The following PHF21B variants were observed in gnomAD, a reference collection of about 807,000 sequenced individuals.
The protein encoded by PHF21B is PHD finger protein 4.
PHF21B carries 22 observed loss-of-function variants against 62.2 expected under a neutral mutation model. The observed-to-expected ratio is 0.35, with a 90% CI of 0.25 to 0.51. PHF21B has a LOEUF of 0.51. Ranked by LOEUF, PHF21B falls within the 20% of genes least tolerant of loss-of-function variation. PHF21B has a pLI of 0.97. For synonymous variants in PHF21B, 341 were observed against 314.7 expected (o/e 1.08, Z -0.88); for missense variants, 701 against 707.9 (o/e 0.99, Z 0.11).
chr22:44,928,025 G>A (rs909258892), intron 2 of PHF21B, among the ~76,000 whole-genome samples: 2 of 152,214 alleles, frequency 1.3e-5, no homozygotes, highest in Non-Finnish European at 2.9e-5. Flanking sequence ...GAAGGAGACA[G>A]GTGTTGGTGC....
chr22:44,941,890 A>C (rs1046284969), intron 2 of PHF21B, among the ~76,000 whole-genome samples: 3 of 152,198 alleles, frequency 2.0e-5, no homozygotes, highest in African/African-American at 7.2e-5. Flanking sequence ...AGTCAGAAGC[A>C]GCCCCGTCTC....
chr22:45,002,243 T>C (rs578044258), intron 2 of PHF21B, among the ~76,000 whole-genome samples: 12 of 152,342 alleles, frequency 7.9e-5, no homozygotes, highest in African/African-American at 2.2e-4. Context: ...ATACGTTACA[T>C]GTGGCCAAGA....
chr22:44,950,572 C>T (rs1421279399), intron 2 of PHF21B, among the ~76,000 whole-genome samples: 1 of 151,568 alleles, frequency 6.6e-6, no homozygotes, highest in Non-Finnish European at 1.5e-5. Flanking sequence ...TCTTCGTGTT[C>T]GTGTTTTTTT....
chr22:44,965,965 A>T (rs2072517368), intron 2 of PHF21B, among the ~76,000 whole-genome samples: 1 of 152,204 alleles, frequency 6.6e-6, no homozygotes, highest in African/African-American at 2.4e-5. Context: ...TCCCACTTCC[A>T]AAGGCCCGGC....
intron 3 of PHF21B, among the ~76,000 whole-genome samples, chr22:44,918,471 A>T (rs1735843603): frequency 6.6e-6 from 1 of 152,094 alleles, no homozygotes; most frequent in Admixed American, 6.5e-5. Context: ...GGAGCTTATC[A>T]TCTTTCTGCC....
rs768424524 is a variant in PHF21B, at chr22:44,885,856, G to T, written c.1273+7C>A. The T allele has an allele frequency of 6.2e-7, 1 of 1,613,924 alleles. No individual in the cohort carries two copies. ...GTACCCTTTTCCACTCCCCAGGGATGCCTCACCTGTCTTGTGGGTGACATA... is the reference window on the plus strand; with the variant it reads ...GTACCCTTTTCCACTCCCCAGGGATTCCTCACCTGTCTTGTGGGTGACATA... On this transcript the variant is annotated splice_region_variant and intron_variant, in intron 11 of 12. Transcript: ENST00000313237.
At position 44,984,600 on chromosome 22, in the gene PHF21B, T is replaced by A. The variant is rs557650500; in HGVS notation, c.120+23945A>T. Among the ~76,000 whole-genome samples, 15 of 152,298 alleles carry A rather than the reference T, an allele frequency of 9.8e-5. 1 individual carries two copies. Among genetic ancestry groups the A allele is most frequent in the Middle Eastern group, 3.4e-3 (1 of 294 alleles). ...TGGCAATGCCGTAGCTGGAGGCACA[T>A]CTGAGAGTTAAACACCTGCTCAGCA... On this transcript the variant is annotated intron_variant, in intron 2 of 12. Coordinates refer to ENST00000313237, the MANE Select transcript of PHF21B (RefSeq NM_138415.5).
intron 2 of PHF21B, among the ~76,000 whole-genome samples, chr22:44,983,172 T>C (rs2072873796): frequency 6.6e-6 from 1 of 150,494 alleles, no homozygotes; most frequent in African/African-American, 2.5e-5. Context: ...AGGCGGAGGT[T>C]ACAGTGAGCC....
intron 2 of PHF21B, among the ~76,000 whole-genome samples, chr22:44,929,718 A>G (rs2071702986): frequency 6.6e-6 from 1 of 152,252 alleles, no homozygotes; most frequent in Non-Finnish European, 1.5e-5. Flanking sequence ...GTGCTCTAAC[A>G]GCAGCCGGTG....
intron 2 of PHF21B, among the ~76,000 whole-genome samples, chr22:44,949,211 G>A (rs136705): frequency 0.059 from 8,813 of 148,462 alleles, 663 homozygotes; most frequent in African/African-American, 0.18. Flanking sequence ...TGAGGCAGGA[G>A]AACTGCTTGA....
chr22:44,946,283 C>T (rs1453223947), intron 2 of PHF21B, among the ~76,000 whole-genome samples: 1 of 147,642 alleles, frequency 6.8e-6, no homozygotes, highest in African/African-American at 2.7e-5. Flanking sequence ...AGAAGCTTCC[C>T]CTGACACCCC....
intron 2 of PHF21B, among the ~76,000 whole-genome samples, chr22:44,967,412 G>A (rs535159965): frequency 3.3e-5 from 5 of 152,022 alleles, no homozygotes; most frequent in African/African-American, 7.2e-5. Flanking sequence ...TAGTAGAGAC[G>A]GGGTTTCACC....
At chr22:44,942,063 G>A (rs1894521) in intron 2 of PHF21B, among the ~76,000 whole-genome samples, 84,319 of 152,120 alleles carry the variant, frequency 0.55, 24,843 homozygotes, top group Non-Finnish European at 0.66. Flanking sequence ...TGGGGACTCA[G>A]AACAGCCTGA....
At chr22:45,003,051 A>C (rs1355710445) in intron 2 of PHF21B, 1 of 152,224 alleles carries the variant, frequency 6.6e-6, no homozygotes, top group African/African-American at 2.4e-5. Context: ...GCCCTTTTCC[A>C]GAAGTTCCTT....
Position 44,893,369 on chromosome 22 carries a change from G to T in PHF21B, c.960+88C>A, listed in dbSNP as rs971328395. 6.1e-6 allele frequency: 8 copies of T among 1,312,894 alleles called. No homozygotes were observed. In the East Asian group the frequency reaches 1.8e-4, roughly 29 times the overall value. 81.3% of individuals were successfully genotyped at this position (1,312,894 alleles called of 1,614,324 possible). A position where few individuals can be genotyped will look rare whatever the true frequency, so the allele number is the denominator to read the frequency against. On this transcript the variant is annotated intron_variant, in intron 7 of 12. Transcript: ENST00000313237. ...AGACGAGGGGGGTGCTTAGGAAAGCGAATGAGGGAGGCCCTGGGACTTTTC... is the reference window on the plus strand; with the variant it reads ...AGACGAGGGGGGTGCTTAGGAAAGCTAATGAGGGAGGCCCTGGGACTTTTC...
At chr22:44,989,572 A>T (rs1238785043) in intron 2 of PHF21B, 1 of 150,482 alleles carries the variant, frequency 6.6e-6, no homozygotes, top group South Asian at 2.1e-4. Flanking sequence ...CACTATAATA[A>T]TAGAACGTCT....
In PHF21B at chr22:44,946,938, G is replaced by A. The variant is rs561554920; in HGVS notation, c.121-26448C>T. Among the ~76,000 whole-genome samples the A allele has an allele frequency of 2.6e-5, 4 of 152,194 alleles. No individual in the cohort carries two copies. In the East Asian group the frequency reaches 7.7e-4, roughly 29 times the overall value. On this transcript the variant is annotated intron_variant, in intron 2 of 12. Coordinates refer to ENST00000313237, the MANE Select transcript of PHF21B (RefSeq NM_138415.5). Reference sequence around the variant, plus strand: ...TGGTGACTCTGCAGGACCTGGAAACGGGGCACAGGATAGAGGCTGGCCAAG... The same window carrying A: ...TGGTGACTCTGCAGGACCTGGAAACAGGGCACAGGATAGAGGCTGGCCAAG...
chr22:44,934,454 G>A (rs867773258), intron 2 of PHF21B, among the ~76,000 whole-genome samples: 4 of 152,164 alleles, frequency 2.6e-5, no homozygotes, highest in Non-Finnish European at 4.4e-5. Flanking sequence ...GGCCAAGAAG[G>A]GACAACATCG....
chr22:45,008,651 G>C (rs1356436306), intron 1 of PHF21B, 41 bp from the exon 2 acceptor site: 3 of 1,538,438 alleles, frequency 2.0e-6, no homozygotes, highest in Non-Finnish European at 2.6e-6. Flanking sequence ...AGGCCACCCG[G>C]GGTCAGGTGC....
Sources: gnomAD v4.1 joint callset for allele counts (sites outside exome capture counted in the v4.1 genomes callset) on GRCh38, gnomAD v4.1.1 for gene constraint, MANE v1.5 for transcripts, NCBI Gene and HGNC (gene_info 2026-07-23, HGNC 2026-07-21) for gene names.